Variants in RPS6KA6 observed in about 807,000 individuals in gnomAD.
RPS6KA6 encodes the protein ribosomal protein S6 kinase A6.
Under a neutral mutation model 65.4 loss-of-function variants are expected in RPS6KA6, and 27 were observed. The observed-to-expected ratio is 0.41, with a 90% CI of 0.30 to 0.57. The LOEUF (loss-of-function observed/expected upper bound fraction) is 0.57, where lower values mean the gene tolerates loss of function less well. Among genes scored for constraint, RPS6KA6 ranks in the 20% least tolerant of loss-of-function variants. The pLI is 0.24. For synonymous variants in RPS6KA6, 190 were observed against 184.2 expected (o/e 1.03, Z -0.26); for missense variants, 486 against 555.6 (o/e 0.87, Z 1.26).
chrX:84,120,980 G>A (rs919342648), intron 8 of RPS6KA6, among the ~76,000 whole-genome samples: 1 of 112,272 alleles, frequency 8.9e-6, no homozygotes, highest in Non-Finnish European at 1.9e-5. Context: ...CAATGGAACA[G>A]AAGAGTGTAC....
chrX:84,098,020 C>G (rs1266847155), intron 18 of RPS6KA6, among the ~76,000 whole-genome samples, 172 bp from the exon 19 acceptor site: 7 of 111,103 alleles, frequency 6.3e-5, no homozygotes, highest in African/African-American at 2.3e-4. Context: ...GTTTTCTCTC[C>G]TCCTCTTAGG....
intron 20 of RPS6KA6, among the ~76,000 whole-genome samples, chrX:84,072,255 T>C (rs1000723755): frequency 4.5e-5 from 5 of 111,937 alleles, no homozygotes; most frequent in Non-Finnish European, 9.4e-5. Context: ...GTTCAACACA[T>C]GCAAATTAAC....
Position 84,060,668 on chromosome X carries a change from AGAAGTAGAAAG to A in RPS6KA6, c.*3598_*3608del, listed in dbSNP as rs1189014976. The A allele has an allele frequency of 1.1e-4, 12 of 111,363 alleles. No individual in the cohort carries two copies. 9.2% of individuals were successfully genotyped at this position (111,363 alleles called of 1,213,427 possible). A position where few individuals can be genotyped will look rare whatever the true frequency, so the allele number is the denominator to read the frequency against. On this transcript the variant is annotated 3_prime_UTR_variant, in exon 22 of 22. Transcript: ENST00000262752. Reference sequence around the variant, plus strand: ...AGTTTTTAAGAGAAAAGGTAGATTGAGAAGTAGAAAGGAAGTAGGAAGGAAATTGTGCAAAA... The same window carrying A: ...AGTTTTTAAGAGAAAAGGTAGATTGAGAAGTAGGAAGGAAATTGTGCAAAA...
intron 2 of RPS6KA6, among the ~76,000 whole-genome samples, chrX:84,161,949 A>C (rs899188422): frequency 8.9e-6 from 1 of 111,874 alleles, no homozygotes; most frequent in East Asian, 2.8e-4. Context: ...TTCAGAAAAA[A>C]CAGATACTGG....
In RPS6KA6 at chrX:84,114,539, C is replaced by A. The variant is rs571936143; in HGVS notation, c.1008+1690G>T. On this transcript the variant is annotated intron_variant, in intron 12 of 21. Coordinates refer to ENST00000262752, the MANE Select transcript of RPS6KA6 (RefSeq NM_014496.5). ...ACAAAAAAAAACATACTGACCAAAG[C>A]AATATCCACATTCAATACAATTCCT... Among the ~76,000 whole-genome samples the A allele has an allele frequency of 1.4e-4, 15 of 111,027 alleles. No homozygotes were observed. The South Asian group carries it at 5.7e-3, about 42-fold the overall frequency.
At chrX:84,165,164 C>T (rs1316037771) in intron 1 of RPS6KA6, among the ~76,000 whole-genome samples, 3 of 110,581 alleles carry the variant, frequency 2.7e-5, no homozygotes, top group Admixed American at 9.8e-5. Flanking sequence ...TATTTCCTAT[C>T]TGCACCCTTA....
At chrX:84,122,313 C>G (rs896847090) in intron 8 of RPS6KA6, among the ~76,000 whole-genome samples, 12 of 108,553 alleles carry the variant, frequency 1.1e-4, no homozygotes, top group African/African-American at 4.0e-4. Flanking sequence ...GTCATGCTGG[C>G]CTCAGCCAGC....
chrX:84,185,706 C>A (rs1184176840), intron 1 of RPS6KA6, among the ~76,000 whole-genome samples: 2 of 111,905 alleles, frequency 1.8e-5, no homozygotes, highest in African/African-American at 6.5e-5. Context: ...CCTACATTTT[C>A]TTTAAGGATT....
chrX:84,167,632 T>C lies in RPS6KA6; in HGVS notation c.82-3245A>G, dbSNP rs1367999019. ...TCCCAAACACATTGTAAATAAAAGG[T>C]GCAAGATTCAAAAGGCTACATTCTG... is the stretch of plus-strand genomic sequence containing the variant. On this transcript the variant is annotated intron_variant, in intron 1 of 21. Transcript: ENST00000262752. Among the ~76,000 whole-genome samples, 6 of 111,668 alleles carry C rather than the reference T, an allele frequency of 5.4e-5. No individual in the cohort carries two copies. In the Admixed American group the frequency reaches 5.7e-4, roughly 11 times the overall value.
chrX:84,125,862 C>CATAA (rs1345130340), intron 8 of RPS6KA6, among the ~76,000 whole-genome samples: 1 of 110,174 alleles, frequency 9.1e-6, no homozygotes, highest in Non-Finnish European at 1.9e-5. Flanking sequence ...TCAAAAAATA[C>CATAA]ATAAATAAAT....
At chrX:84,159,363 T>C (rs957479611) in intron 2 of RPS6KA6, among the ~76,000 whole-genome samples, 1 of 111,122 alleles carries the variant, frequency 9.0e-6, no homozygotes, top group Non-Finnish European at 1.9e-5. Context: ...TTTCAAAAGC[T>C]TGATAGTAGC....
chrX:84,121,641 A>G (rs1389465), intron 8 of RPS6KA6, among the ~76,000 whole-genome samples: 60,629 of 110,445 alleles, frequency 0.55, 13,667 homozygotes, highest in Non-Finnish European at 0.71. Context: ...AATTTCTTGC[A>G]AAGGTGCAAA....
chrX:84,176,251 G>C (rs2035766602), intron 1 of RPS6KA6, among the ~76,000 whole-genome samples: 1 of 111,971 alleles, frequency 8.9e-6, no homozygotes, highest in Admixed American at 9.5e-5. Context: ...TGTTCCCAAT[G>C]CAAAGGCACT....
At chrX:84,089,722 C>T (rs2034004707) in intron 20 of RPS6KA6, among the ~76,000 whole-genome samples, 1 of 111,354 alleles carries the variant, frequency 9.0e-6, no homozygotes, top group South Asian at 3.9e-4. Flanking sequence ...CTCCGTGCCA[C>T]TCTGAGGTGT....
chrX:84,172,195 A>T (rs959700544), intron 1 of RPS6KA6, among the ~76,000 whole-genome samples: 1 of 112,148 alleles, frequency 8.9e-6, no homozygotes, highest in Non-Finnish European at 1.9e-5. Context: ...GGGCTGCAAT[A>T]AACATACGTG....
At chrX:84,187,217 C>A (rs1275873729) in intron 1 of RPS6KA6, 1 of 111,977 alleles carries the variant, frequency 8.9e-6, no homozygotes. Context: ...AGAACATCAC[C>A]TGAAACCTGG....
chrX:84,104,083 G>T (rs1019019171), intron 17 of RPS6KA6, among the ~76,000 whole-genome samples: 18 of 110,580 alleles, frequency 1.6e-4, no homozygotes, highest in African/African-American at 5.6e-4. Flanking sequence ...GAAATGTTTA[G>T]AATACACATT....
At chrX:84,112,726 C>T (rs146165013) in intron 12 of RPS6KA6, among the ~76,000 whole-genome samples, 61 of 111,857 alleles carry the variant, frequency 5.5e-4, no homozygotes, top group African/African-American at 1.9e-3. Context: ...AGAAAGATCT[C>T]AAATCAATGA....
intron 20 of RPS6KA6, among the ~76,000 whole-genome samples, chrX:84,074,983 G>A (rs975366029): frequency 2.7e-5 from 3 of 111,670 alleles, no homozygotes; most frequent in Non-Finnish European, 5.7e-5. Context: ...GCCTGTAATC[G>A]CAGCACTTTG....
Sources: allele counts gnomAD v4.1 joint callset (sites outside exome capture counted in the v4.1 genomes callset), GRCh38; gene constraint gnomAD v4.1.1; transcripts MANE v1.5; gene names NCBI Gene and HGNC (gene_info 2026-07-23, HGNC 2026-07-21).